The following CSNK2A2IP variants were observed in gnomAD, a reference collection of about 807,000 sequenced individuals.
The protein encoded by CSNK2A2IP is casein kinase 2 subunit alpha' interacting protein.
the CSNK2A2IP span, among the ~76,000 whole-genome samples, chr3:88,382,266 A>C: frequency 6.6e-6 from 1 of 152,204 alleles, no homozygotes; most frequent in South Asian, 2.1e-4. Flanking sequence ...AATCCTCTAT[A>C]GTCAGGACAT....
the CSNK2A2IP span, among the ~76,000 whole-genome samples, chr3:88,405,010 C>A: frequency 1.3e-5 from 2 of 152,164 alleles, no homozygotes; most frequent in African/African-American, 2.4e-5. Flanking sequence ...TTTGATTGAC[C>A]TAACCTACTT....
chr3:88,348,922 C>T, the CSNK2A2IP span, among the ~76,000 whole-genome samples: 2 of 151,764 alleles, frequency 1.3e-5, no homozygotes, highest in South Asian at 2.1e-4. Context: ...TCTTTCTGCC[C>T]TTTCCCAATA....
the CSNK2A2IP span, among the ~76,000 whole-genome samples, chr3:88,434,683 C>T: frequency 6.6e-6 from 1 of 152,140 alleles, no homozygotes; most frequent in Non-Finnish European, 1.5e-5. Context: ...ATAGTTTCCC[C>T]ACCCAATGCT....
At chr3:88,398,825 A>G in the CSNK2A2IP span, among the ~76,000 whole-genome samples, 16 of 152,178 alleles carry the variant, frequency 1.1e-4, no homozygotes, top group African/African-American at 3.6e-4. Context: ...TTACACTTTG[A>G]TGGCAGGGAA....
At chr3:88,361,690 A>G in the CSNK2A2IP span, among the ~76,000 whole-genome samples, 1 of 152,054 alleles carries the variant, frequency 6.6e-6, no homozygotes, top group African/African-American at 2.4e-5. Flanking sequence ...CTTTGTCAAT[A>G]TTTCTTTAAA....
the CSNK2A2IP span, among the ~76,000 whole-genome samples, chr3:88,446,026 TTTCTTTTCTTTCTTTCTTTC>T: frequency 0.072 from 8,206 of 113,402 alleles, 583 homozygotes; most frequent in South Asian, 0.11. Flanking sequence ...TCTTTCTTTG[TTTCTTTTCTTTCTTTCTTTC>T]TTTCTTTCTT....
chr3:88,409,408 C>T, the CSNK2A2IP span, among the ~76,000 whole-genome samples: 23 of 152,162 alleles, frequency 1.5e-4, 1 homozygote, highest in East Asian at 1.7e-3. Context: ...TCAGGATGGG[C>T]TAAGCCATGA....
chr3:88,356,404 T>C, the CSNK2A2IP span, among the ~76,000 whole-genome samples: 1 of 152,156 alleles, frequency 6.6e-6, no homozygotes, highest in Non-Finnish European at 1.5e-5. Context: ...TCTAGTTCCA[T>C]CCATGTTGCT....
At chr3:88,425,759 T>C in the CSNK2A2IP span, among the ~76,000 whole-genome samples, 5 of 152,182 alleles carry the variant, frequency 3.3e-5, no homozygotes, top group African/African-American at 1.2e-4. Flanking sequence ...TATTTTGACG[T>C]ATTCCTTATG....
the CSNK2A2IP span, chr3:88,466,990 G>A: frequency 4.9e-6 from 6 of 1,228,142 alleles, no homozygotes; most frequent in South Asian, 1.2e-4. Flanking sequence ...GCCTAATGAA[G>A]TCCCTGAAGA....
the CSNK2A2IP span, among the ~76,000 whole-genome samples, chr3:88,435,915 ATATAATGCACATTATGTGTGCATTATAT>A: frequency 1.1e-5 from 1 of 94,992 alleles, no homozygotes; most frequent in Middle Eastern, 4.8e-3. Flanking sequence ...TGCATTATAT[ATATAATGCACATTATGTGTGCATTATAT>A]ATATAATGCA....
the CSNK2A2IP span, among the ~76,000 whole-genome samples, chr3:88,389,025 C>A: frequency 6.6e-5 from 10 of 151,966 alleles, no homozygotes; most frequent in African/African-American, 1.7e-4. Flanking sequence ...AACCCCAAAC[C>A]ACCCAAAAGC....
the CSNK2A2IP span, among the ~76,000 whole-genome samples, chr3:88,393,060 T>TG: frequency 2.0e-5 from 3 of 152,076 alleles, no homozygotes; most frequent in Non-Finnish European, 4.4e-5. Context: ...GGAGGAAGAA[T>TG]GGGTATAGCT....
chr3:88,446,865 C>T, the CSNK2A2IP span, among the ~76,000 whole-genome samples: 7 of 152,202 alleles, frequency 4.6e-5, no homozygotes, highest in Non-Finnish European at 8.8e-5. Context: ...TTATAATTAA[C>T]ATAATCATTA....
the CSNK2A2IP span, among the ~76,000 whole-genome samples, chr3:88,340,774 C>T: frequency 4.0e-5 from 6 of 151,882 alleles, no homozygotes; most frequent in African/African-American, 9.7e-5. Context: ...TGGTATGCCA[C>T]CTGAACAGCT....
chr3:88,411,375 ATCTG>A, the CSNK2A2IP span, among the ~76,000 whole-genome samples: 2,894 of 119,646 alleles, frequency 0.024, 82 homozygotes, highest in African/African-American at 0.081. Context: ...CTATCTATCT[ATCTG>A]TCTATCTATC....
chr3:88,398,893 T>C, the CSNK2A2IP span, among the ~76,000 whole-genome samples: 1 of 152,174 alleles, frequency 6.6e-6, no homozygotes, highest in Admixed American at 6.5e-5. Flanking sequence ...CTTGCACATA[T>C]TAATGCTCAA....
chr3:88,382,111 T>A, the CSNK2A2IP span, among the ~76,000 whole-genome samples: 2 of 152,230 alleles, frequency 1.3e-5, no homozygotes, highest in African/African-American at 4.8e-5. Flanking sequence ...AGAGTTTCTC[T>A]ATATCCTTTT....
the CSNK2A2IP span, among the ~76,000 whole-genome samples, chr3:88,353,895 C>T: frequency 6.6e-6 from 1 of 152,106 alleles, no homozygotes; most frequent in South Asian, 2.1e-4. Flanking sequence ...TTCATCCCCT[C>T]CAACTCTTAT....
Sources: allele counts gnomAD v4.1 joint callset (sites outside exome capture counted in the v4.1 genomes callset), GRCh38; gene constraint gnomAD v4.1.1; transcripts MANE v1.5; gene names NCBI Gene and HGNC (gene_info 2026-07-23, HGNC 2026-07-21).